Variants in SPTBN1 observed in about 807,000 individuals in gnomAD.
The protein encoded by SPTBN1 is spectrin beta, non-erythrocytic 1.
In SPTBN1, 32 loss-of-function variants were observed where a neutral mutation model predicts 266.4. The observed-to-expected ratio is 0.12, with a 90% CI of 0.09 to 0.16. The LOEUF (loss-of-function observed/expected upper bound fraction) is 0.16. Ranked by LOEUF, SPTBN1 falls within the 10% of genes least tolerant of loss-of-function variation. SPTBN1 has a pLI of 1.00. For synonymous variants in SPTBN1, 1,336 were observed against 1,162.2 expected (o/e 1.15, Z -3.04); for missense variants, 2,296 against 3,067.1 (o/e 0.75, Z 5.94).
At chr2:54,634,393 CTTCCTTAGGA>C (rs1188458185) in intron 17 of SPTBN1, among the ~76,000 whole-genome samples, 1 of 152,186 alleles carries the variant, frequency 6.6e-6, no homozygotes, top group African/African-American at 2.4e-5. Context: ...TGTTCCAGAG[CTTCCTTAGGA>C]TTCCTCAGTT....
chr2:54,487,832 C>CTTTTGTTTTTTTTTTTTTTTTTTTTT (rs1668486425), intron 1 of SPTBN1, among the ~76,000 whole-genome samples: 1 of 68,644 alleles, frequency 1.5e-5, no homozygotes, highest in Admixed American at 2.5e-4. Context: ...CCTCCTGTGT[C>CTTTTGTTTTTTTTTTTTTTTTTTTTT]TTTTTTTTTT....
chr2:54,509,009 C>G (rs1164432493), intron 1 of SPTBN1, among the ~76,000 whole-genome samples: 1 of 152,142 alleles, frequency 6.6e-6, no homozygotes, highest in African/African-American at 2.4e-5. Flanking sequence ...AGTCCCTTTG[C>G]AAGAGTGAGG....
At chr2:54,604,954 G>T (rs189295392) in intron 3 of SPTBN1, among the ~76,000 whole-genome samples, 1 of 152,318 alleles carries the variant, frequency 6.6e-6, no homozygotes, top group Admixed American at 6.5e-5. Context: ...CACGTTAAGG[G>T]CGTTTCAGAC....
Position 54,612,268 on chromosome 2 carries a change from T to C in SPTBN1, c.408T>C (p.His136=), listed in dbSNP as rs752926659. 54 of 1,614,024 alleles carry C rather than the reference T, an allele frequency of 3.3e-5. No individual in the cohort carries two copies. The highest frequency in any genetic ancestry group is 4.4e-5 in the Non-Finnish European group (52 of 1,179,986). Residue 136 remains histidine, a synonymous_variant, in exon 4 of 36, where the codon CAT becomes CAC. Coordinates refer to ENST00000356805, the MANE Select transcript of SPTBN1 (RefSeq NM_003128.3). ...TCCATCTTGAGAACATGGGGTCCCATGACATCGTGGATGGAAACCACCGGC... is the reference window on the plus strand; with the variant it reads ...TCCATCTTGAGAACATGGGGTCCCACGACATCGTGGATGGAAACCACCGGC... ...QRVHLENMGS[H]DIVDGNHRLT...
intron 7 of SPTBN1, among the ~76,000 whole-genome samples, chr2:54,619,478 G>T (rs1033595595): frequency 6.6e-6 from 1 of 151,918 alleles, no homozygotes; most frequent in East Asian, 1.9e-4. Context: ...TTCAATCACC[G>T]CCCAGTATGA....
At chr2:54,496,602 T>TA (rs1179189315) in intron 1 of SPTBN1, among the ~76,000 whole-genome samples, 2 of 152,200 alleles carry the variant, frequency 1.3e-5, no homozygotes, top group Admixed American at 6.5e-5. Flanking sequence ...GTTTAACAGA[T>TA]ACGTAGACAG....
chr2:54,500,014 T>C (rs1298921758), intron 1 of SPTBN1, among the ~76,000 whole-genome samples: 3 of 152,260 alleles, frequency 2.0e-5, no homozygotes, highest in African/African-American at 7.2e-5. Flanking sequence ...ATTATAATTC[T>C]TTTTACGTTT....
chr2:54,594,851 T>TTTTTTTTTTTTTTTTTTTTTTTTTG (rs10673399), intron 2 of SPTBN1, among the ~76,000 whole-genome samples: 1 of 144,870 alleles, frequency 6.9e-6, no homozygotes, highest in African/African-American at 2.8e-5. Flanking sequence ...TTTTTTTTTT[T>TTTTTTTTTTTTTTTTTTTTTTTTTG]GAGACAGAGT....
intron 1 of SPTBN1, among the ~76,000 whole-genome samples, chr2:54,462,009 A>G (rs1693391950): frequency 6.6e-6 from 1 of 152,218 alleles, no homozygotes; most frequent in Non-Finnish European, 1.5e-5. Flanking sequence ...TTTGGAGTCA[A>G]ACAGGTTGTG....
intron 1 of SPTBN1, among the ~76,000 whole-genome samples, chr2:54,458,936 A>G (rs986834519): frequency 1.3e-5 from 2 of 152,208 alleles, no homozygotes; most frequent in African/African-American, 4.8e-5. Flanking sequence ...CTGCATGTAC[A>G]TTGTGTGGTG....
chr2:54,653,284 G>T lies in SPTBN1; in HGVS notation c.5578-325G>T. The T allele has an allele frequency of 4.6e-6, 1 of 219,664 alleles. No individual in the cohort carries two copies. Among genetic ancestry groups the T allele is most frequent in the Non-Finnish European group, 8.8e-6 (1 of 113,112 alleles). The allele number at this position is 219,664 out of a possible 1,614,324, so 13.6% of individuals were successfully genotyped here. A position where few individuals can be genotyped will look rare whatever the true frequency, so the allele number is the denominator to read the frequency against. On this transcript the variant is annotated intron_variant, in intron 26 of 35. Coordinates refer to ENST00000356805, the MANE Select transcript of SPTBN1 (RefSeq NM_003128.3). This position sits in a 1 kb window ranked among gnomAD's most constrained non-coding sequence, Gnocchi z 5.1. Reference sequence around the variant, plus strand: ...TAGCAGATTAGGTATTTATTTTTTGGACTGTATCTGAATATGTCCCACTCA... The same window carrying T: ...TAGCAGATTAGGTATTTATTTTTTGTACTGTATCTGAATATGTCCCACTCA...
At chr2:54,658,192 G>T in intron 30 of SPTBN1, 146 bp downstream of exon 30, 1 of 983,982 alleles carries the variant, frequency 1.0e-6, no homozygotes, top group Non-Finnish European at 1.5e-6. Flanking sequence ...AAAATGGGTG[G>T]CTCCTGTGGA....
At chr2:54,581,600 T>TTTTTTTTTTTTTTTG (rs1463640987) in intron 2 of SPTBN1, among the ~76,000 whole-genome samples, 1 of 143,012 alleles carries the variant, frequency 7.0e-6, no homozygotes, top group African/African-American at 2.7e-5. Flanking sequence ...TTTTTTTTTT[T>TTTTTTTTTTTTTTTG]GAAACTTTTA....
chr2:54,503,802 C>G (rs1347891744), intron 1 of SPTBN1, among the ~76,000 whole-genome samples: 3 of 152,150 alleles, frequency 2.0e-5, no homozygotes, highest in Non-Finnish European at 4.4e-5. Context: ...AATGGCTTTC[C>G]CATATTTTCT....
At chr2:54,607,387 C>A (rs1676917353) in intron 3 of SPTBN1, among the ~76,000 whole-genome samples, 1 of 152,124 alleles carries the variant, frequency 6.6e-6, no homozygotes, top group Non-Finnish European at 1.5e-5. Flanking sequence ...CTTTGGGAGG[C>A]CAAGGTGGAT....
chr2:54,457,946 C>T (rs1250713024), intron 1 of SPTBN1, among the ~76,000 whole-genome samples: 1 of 152,222 alleles, frequency 6.6e-6, no homozygotes, highest in African/African-American at 2.4e-5. Context: ...ATCTGATCTG[C>T]GACCAGGGGA....
At chr2:54,517,068 A>G (rs916114227) in intron 1 of SPTBN1, among the ~76,000 whole-genome samples, 4 of 152,008 alleles carry the variant, frequency 2.6e-5, no homozygotes, top group African/African-American at 9.7e-5. Flanking sequence ...GGCTTCAGAG[A>G]GAATAGAGTT....
At chr2:54,627,416 A>T (rs1296615474) in intron 12 of SPTBN1, among the ~76,000 whole-genome samples, 2 of 152,222 alleles carry the variant, frequency 1.3e-5, no homozygotes, top group African/African-American at 4.8e-5. Flanking sequence ...GATGGAAGAA[A>T]CAAGAAAATA....
At chr2:54,515,956 G>C (rs768566436) in intron 1 of SPTBN1, 1 of 152,068 alleles carries the variant, frequency 6.6e-6, no homozygotes, top group African/African-American at 2.4e-5. Flanking sequence ...CATTCCTTGT[G>C]GGGGCAATAT....
Sources: gnomAD v4.1 joint callset for allele counts (sites outside exome capture counted in the v4.1 genomes callset) on GRCh38, gnomAD v4.1.1 for gene constraint, Gnocchi (gnomAD v3.1) non-coding constraint, MANE v1.5 for transcripts, NCBI Gene and HGNC (gene_info 2026-07-23, HGNC 2026-07-21) for gene names.